The following HSPA4L variants were observed in gnomAD, a reference collection of about 807,000 sequenced individuals.
HSPA4L encodes heat shock 70 kDa protein 4L.
Under a neutral mutation model 100.3 loss-of-function variants are expected in HSPA4L, and 48 were observed. The ratio of observed to expected loss-of-function variants is 0.48; its 90% CI spans 0.38 to 0.61. The LOEUF (loss-of-function observed/expected upper bound fraction) is 0.61. HSPA4L is among the 20% of genes least tolerant of loss of function. The pLI, the probability that HSPA4L is intolerant of heterozygous loss-of-function variation, is 0.00. For synonymous variants in HSPA4L, 319 were observed against 328.2 expected, an observed-to-expected ratio of 0.97 and a Z score of 0.30; for missense variants, 886 against 988.6, an observed-to-expected ratio of 0.90 and a Z score of 1.39.
intron 12 of HSPA4L, 127 bp downstream of exon 12, chr4:127,811,763 G>A: frequency 2.9e-6 from 2 of 679,552 alleles, no homozygotes; most frequent in Non-Finnish European, 4.9e-6. Flanking sequence ...TCTGCTGTGG[G>A]AATCTGTATA....
chr4:127,822,825 C>T lies in HSPA4L; in HGVS notation c.1869C>T (p.Ala623=), dbSNP rs776669886. ...AAGAAAGAAATGATGCTAAGAATGC[C>T]GTTGAAGAATATGTATATGATTTTA... ...LEKERNDAKN[A]VEEYVYDFRD... Residue 623 remains alanine (A), a synonymous_variant, in exon 15 of 19, where the codon GCC becomes GCT. Coordinates refer to ENST00000296464, the MANE Select transcript of HSPA4L (RefSeq NM_014278.4). 2.0e-5 allele frequency: 32 copies of T among 1,613,070 alleles called. No homozygotes were observed. The highest frequency in any genetic ancestry group is 2.6e-5 in the Non-Finnish European group (31 of 1,179,368).
chr4:127,823,897 A>C (rs1180668414), intron 16 of HSPA4L, among the ~76,000 whole-genome samples: 1 of 152,212 alleles, frequency 6.6e-6, no homozygotes, highest in African/African-American at 2.4e-5. Flanking sequence ...AATATACAGT[A>C]TATTGTTAAG....
intron 12 of HSPA4L, among the ~76,000 whole-genome samples, chr4:127,817,594 G>A (rs1349124058): frequency 2.0e-5 from 3 of 151,768 alleles, no homozygotes; most frequent in Admixed American, 6.6e-5. Flanking sequence ...TAGAAAGTTT[G>A]GTTTTTAGAC....
In HSPA4L at chr4:127,782,434, G is replaced by A. The variant is rs772866676; in HGVS notation, c.-117G>A. On this transcript the variant is annotated 5_prime_UTR_variant, in exon 1 of 19. Transcript: ENST00000296464. ...CTAGATTTTCTGCTTAGCGACTTGG[G>A]GTCCCCTCTCGTTTGCTTCTGGTAG... 1.3e-6 allele frequency: 1 copy of A among 788,054 alleles called. No homozygotes were observed. The highest frequency in any genetic ancestry group is 2.2e-6 in the Non-Finnish European group (1 of 462,042). The allele number at this position is 788,054 out of a possible 1,614,324, so 48.8% of individuals were successfully genotyped here.
In HSPA4L at chr4:127,782,354, G is replaced by T. The variant is rs539518449; in HGVS notation, c.-197G>T. ...AAAGACCCAGGCTGCGGGACGCGGT[G>T]CAGGCTGCGGCGCTGACGGCCTCTG... is the stretch of plus-strand genomic sequence containing the variant. On this transcript the variant is annotated 5_prime_UTR_variant, in exon 1 of 19. Coordinates refer to ENST00000296464, the MANE Select transcript of HSPA4L (RefSeq NM_014278.4). 7 of 571,930 alleles carry T rather than the reference G, an allele frequency of 1.2e-5. No individual in the cohort carries two copies. The South Asian group carries it at 1.4e-4, about 12-fold the overall frequency. 35.4% of individuals were successfully genotyped at this position (571,930 alleles called of 1,614,324 possible).
chr4:127,836,894 TAA>T lies in HSPA4L; in HGVS notation c.*4021_*4022del, dbSNP rs1734223880. On this transcript the variant is annotated 3_prime_UTR_variant, in exon 19 of 19. Transcript: ENST00000296464. ...AAATTATAGATTTAGAAATGATTCT[TAA>T]GTTATTGGTAAAATATAACTTTCTC... The T allele has an allele frequency of 6.6e-6, 1 of 152,182 alleles. No individual in the cohort carries two copies. Among genetic ancestry groups the T allele is most frequent in the Non-Finnish European group, 1.5e-5 (1 of 68,022 alleles). The allele number at this position is 152,182 out of a possible 1,614,324, so 9.4% of individuals were successfully genotyped here. A position where few individuals can be genotyped will look rare whatever the true frequency, so the allele number is the denominator to read the frequency against.
At chr4:127,782,242 CGGAGGCTCGCGCG>C (rs1732574190), upstream of HSPA4L, 1 of 401,042 alleles carries the variant, frequency 2.5e-6, no homozygotes, top group South Asian at 2.2e-5. Flanking sequence ...GGGCGCGGAG[CGGAGGCTCGCGCG>C]CCTCCCGGGC....
chr4:127,803,962 G>A (rs1391869829), intron 7 of HSPA4L, 49 bp from the exon 8 acceptor site: 9 of 1,607,006 alleles, frequency 5.6e-6, no homozygotes, highest in South Asian at 3.3e-5. Flanking sequence ...TAGAAGATAC[G>A]CTCAACTTTT....
In HSPA4L at chr4:127,808,122, A is replaced by G. The variant is rs1268135419; in HGVS notation, c.1371A>G (p.Ala457=). The change falls in exon 11 of 19, where the codon GCA becomes GCG. Residue 457 remains alanine (A), a synonymous_variant. Transcript: ENST00000296464. ...TACATGAAGTGCCTTATCCTGATGC[A>G]AGAATTGGTAAGATAAAAAAAAGTT... The part of the protein sequence containing the change: ...TNLHEVPYPD[A]RIGSFTIQNV... 5 of 1,586,426 alleles carry G rather than the reference A, an allele frequency of 3.2e-6. No homozygotes were observed. In the African/African-American group the frequency reaches 6.9e-5, roughly 22 times the overall value.
chr4:127,797,639 T>TC (rs1733061289), intron 3 of HSPA4L, among the ~76,000 whole-genome samples: 1 of 150,176 alleles, frequency 6.7e-6, no homozygotes, highest in South Asian at 2.1e-4. Context: ...TCTTGCTCTG[T>TC]CTCCCAGGCT....
At chr4:127,801,360 T>C in intron 5 of HSPA4L, 123 bp downstream of exon 5, 2 of 688,950 alleles carry the variant, frequency 2.9e-6, no homozygotes, top group South Asian at 4.0e-5. Context: ...GCCTGGGAGT[T>C]GAAAGCTGCA....
chr4:127,804,730 CT>C (rs1733302460), intron 8 of HSPA4L, among the ~76,000 whole-genome samples: 1 of 151,720 alleles, frequency 6.6e-6, no homozygotes, highest in South Asian at 2.1e-4. Context: ...GACATAATTG[CT>C]TTTTCGTAAG....
At chr4:127,830,082 CT>C (rs1734041415) in intron 17 of HSPA4L, among the ~76,000 whole-genome samples, 1 of 152,028 alleles carries the variant, frequency 6.6e-6, no homozygotes, top group Non-Finnish European at 1.5e-5. Flanking sequence ...TTCTCTTTCC[CT>C]TTATCTTCTG....
intron 1 of HSPA4L, among the ~76,000 whole-genome samples, chr4:127,789,703 A>C (rs1455089119): frequency 6.6e-6 from 1 of 152,156 alleles, no homozygotes; most frequent in East Asian, 1.9e-4. Context: ...ATTTCTAAAT[A>C]GTAGTTGAAA....
Position 127,801,212 on chromosome 4 carries a change from A to G in HSPA4L, c.504A>G (p.Leu168=), listed in dbSNP as rs1020465653. The part of the protein sequence containing the change: ...AAAQVAGLNC[L]RLMNETTAVA... ...CCCAGGTTGCAGGCTTAAATTGTTT[A>G]AGGTTGATGAATGAAACTACTGCAG... is the stretch of plus-strand genomic sequence containing the variant. The change falls in exon 5 of 19, where the codon TTA becomes TTG. Residue 168 remains leucine (L), a synonymous_variant. Transcript: ENST00000296464. The G allele has an allele frequency of 1.9e-6, 3 of 1,611,440 alleles. No homozygotes were observed. The highest frequency in any genetic ancestry group is 1.7e-5 in the Admixed American group (1 of 59,596).
chr4:127,783,503 T>C, intron 1 of HSPA4L: 1 of 1,473,664 alleles, frequency 6.8e-7, no homozygotes, highest in Non-Finnish European at 8.9e-7. Flanking sequence ...CGGCGTTATG[T>C]CATGGAAACA....
Position 127,820,507 on chromosome 4 carries a change from A to T in HSPA4L, c.1754A>T (p.Gln585Leu). The part of the protein sequence containing the change: ...GKVKSIDLPI[Q>L]SSLCRQLGQD... ...GTCAAAAGTATTGATCTACCGATCC[A>T]GAGTAGCCTATGTAGACAACTAGGC... Residue 585 changes from glutamine to leucine, a missense_variant, in exon 14 of 19, where the codon CAG becomes CTG. Gln to Leu is a moderately radical substitution (Grantham distance 113). Transcript: ENST00000296464. 6.2e-7 allele frequency: 1 copy of T among 1,603,524 alleles called. No homozygotes were observed. Among genetic ancestry groups the T allele is most frequent in the African/African-American group, 1.3e-5 (1 of 74,246 alleles).
At chr4:127,799,309 T>A (rs970569354) in intron 4 of HSPA4L, among the ~76,000 whole-genome samples, 2 of 152,168 alleles carry the variant, frequency 1.3e-5, no homozygotes, top group African/African-American at 4.8e-5. Context: ...CATTTGGAAT[T>A]TTTTTAATGG....
intron 11 of HSPA4L, chr4:127,809,202 A>G (rs1733456359): frequency 8.1e-7 from 1 of 1,228,790 alleles, no homozygotes. Flanking sequence ...AAGGTTTTCA[A>G]AACAAGTTGC....
Sources: gnomAD v4.1 joint callset for allele counts (sites outside exome capture counted in the v4.1 genomes callset) on GRCh38, gnomAD v4.1.1 for gene constraint, MANE v1.5 for transcripts, NCBI Gene and HGNC (gene_info 2026-07-23, HGNC 2026-07-21) for gene names.